The following TMEM51 variants were observed in gnomAD, a reference collection of about 807,000 sequenced individuals.
TMEM51 encodes the protein chromosome 1 open reading frame 72.
A neutral mutation model predicts 13.6 loss-of-function variants in TMEM51; 8 were observed. That is an observed-to-expected ratio of 0.59 (90% CI 0.35 to 1.07). The LOEUF (loss-of-function observed/expected upper bound fraction) is 1.07, where lower values mean the gene tolerates loss of function less well. Ranked by LOEUF, TMEM51 falls within the 50% of genes least tolerant of loss-of-function variation. The pLI, the probability that TMEM51 is intolerant of heterozygous loss-of-function variation, is 0.02. For synonymous variants in TMEM51, 147 were observed against 144.4 expected (o/e 1.02, Z -0.13); for missense variants, 279 against 330.7 (o/e 0.84, Z 1.21).
intron 1 of TMEM51, among the ~76,000 whole-genome samples, chr1:15,200,407 C>CAAAAAAA (rs55755539): frequency 1.5e-5 from 1 of 67,968 alleles, no homozygotes; most frequent in Non-Finnish European, 2.6e-5. Context: ...GACTCTGTCT[C>CAAAAAAA]AAAAAAAAAA....
At chr1:15,193,571 C>CTTTTTTTTTTTTTT (rs1392623062) in intron 1 of TMEM51, among the ~76,000 whole-genome samples, 1 of 80,614 alleles carries the variant, frequency 1.2e-5, no homozygotes, top group Non-Finnish European at 2.2e-5. Flanking sequence ...TCTTTTCTTT[C>CTTTTTTTTTTTTTT]TTTCTTTTTT....
At chr1:15,177,533 G>C (rs1286807083) in intron 1 of TMEM51, among the ~76,000 whole-genome samples, 1 of 152,178 alleles carries the variant, frequency 6.6e-6, no homozygotes, top group Non-Finnish European at 1.5e-5. Context: ...AGCTCATCCC[G>C]AGCAAGCAGC....
chr1:15,205,503 C>T (rs1288445948), intron 1 of TMEM51, among the ~76,000 whole-genome samples: 1 of 152,182 alleles, frequency 6.6e-6, no homozygotes, highest in Non-Finnish European at 1.5e-5. Context: ...TGCGTATCTT[C>T]CTTCTCCCTG....
intron 1 of TMEM51, among the ~76,000 whole-genome samples, chr1:15,193,849 G>A (rs140039841): frequency 0.029 from 4,404 of 152,294 alleles, 93 homozygotes; most frequent in Non-Finnish European, 0.044. Flanking sequence ...GAGCCACTGC[G>A]CCTGGCCAGC....
At chr1:15,218,999 C>A (rs1166025226) in intron 3 of TMEM51, among the ~76,000 whole-genome samples, 1 of 152,226 alleles carries the variant, frequency 6.6e-6, no homozygotes, top group African/African-American at 2.4e-5. Context: ...TCTAACACCA[C>A]TGGCTCACCC....
At chr1:15,160,976 G>T (rs899064769) in intron 1 of TMEM51, among the ~76,000 whole-genome samples, 1 of 151,914 alleles carries the variant, frequency 6.6e-6, no homozygotes, top group African/African-American at 2.4e-5. Flanking sequence ...CCCAAACTTG[G>T]AGAGTCAGGA....
intron 1 of TMEM51, among the ~76,000 whole-genome samples, chr1:15,175,317 T>C (rs1185954511): frequency 2.0e-5 from 3 of 152,162 alleles, no homozygotes; most frequent in Non-Finnish European, 4.4e-5. Context: ...GGAGAATAGC[T>C]TGAACCTGGG....
chr1:15,214,784 C>T, intron 2 of TMEM51, 111 bp from the exon 3 acceptor site: 2 of 341,564 alleles, frequency 5.9e-6, no homozygotes, highest in South Asian at 4.8e-5. Context: ...CAGCCAGAGC[C>T]GGCGTGCTCG....
intron 1 of TMEM51, among the ~76,000 whole-genome samples, chr1:15,210,142 C>T (rs924540693): frequency 6.6e-6 from 1 of 152,158 alleles, no homozygotes; most frequent in Non-Finnish European, 1.5e-5. Context: ...TCATTTTCCT[C>T]TCCTGCCTTG....
chr1:15,174,782 C>T (rs985177530), intron 1 of TMEM51, among the ~76,000 whole-genome samples: 3 of 152,192 alleles, frequency 2.0e-5, no homozygotes, highest in East Asian at 1.9e-4. Context: ...TGCAGATGGC[C>T]GCCTACTCAC....
chr1:15,166,340 A>G (rs536037578), intron 1 of TMEM51, among the ~76,000 whole-genome samples: 1 of 152,274 alleles, frequency 6.6e-6, no homozygotes, highest in East Asian at 1.9e-4. Context: ...AACTTCGAGT[A>G]TCTGGGCCTC....
intron 1 of TMEM51, among the ~76,000 whole-genome samples, chr1:15,188,443 A>G (rs1030868181): frequency 2.6e-5 from 4 of 152,216 alleles, no homozygotes; most frequent in Admixed American, 6.5e-5. Context: ...AGGCAAGCAC[A>G]TGACATGGCC....
At chr1:15,174,056 A>G (rs1193663520) in intron 1 of TMEM51, among the ~76,000 whole-genome samples, 1 of 152,216 alleles carries the variant, frequency 6.6e-6, no homozygotes, top group East Asian at 1.9e-4. Flanking sequence ...GCAGCAGTAA[A>G]GAAAACAGGG....
At chr1:15,166,362 T>G (rs1056503766) in intron 1 of TMEM51, among the ~76,000 whole-genome samples, 15 of 152,244 alleles carry the variant, frequency 9.9e-5, no homozygotes, top group African/African-American at 3.6e-4. Context: ...CTTCTGAGAC[T>G]TAGGAAGCTG....
At chr1:15,155,035 G>A (rs1388398580) in intron 1 of TMEM51, among the ~76,000 whole-genome samples, 1 of 152,190 alleles carries the variant, frequency 6.6e-6, no homozygotes, top group Non-Finnish European at 1.5e-5. Context: ...GGAACTGTTG[G>A]CCCTGGGACC....
intron 1 of TMEM51, chr1:15,192,411 C>T (rs971152746): frequency 7.6e-6 from 3 of 392,230 alleles, no homozygotes; most frequent in Non-Finnish European, 1.0e-5. Context: ...TCCAGGTCAG[C>T]GTTTGGCAGT....
At chr1:15,162,517 A>G (rs565553065) in intron 1 of TMEM51, among the ~76,000 whole-genome samples, 1 of 152,210 alleles carries the variant, frequency 6.6e-6, no homozygotes, top group Admixed American at 6.5e-5. Context: ...AACTATATCA[A>G]TGCTCAAAAG....
At chr1:15,193,575 C>CTTTTTTTTTTTTTTTTT (rs3078881) in intron 1 of TMEM51, among the ~76,000 whole-genome samples, 9 of 114,650 alleles carry the variant, frequency 7.8e-5, no homozygotes, top group African/African-American at 2.5e-4. Flanking sequence ...TTCTTTCTTT[C>CTTTTTTTTTTTTTTTTT]TTTTTTTTTT....
chr1:15,184,004 C>T (rs1239601320), intron 1 of TMEM51, among the ~76,000 whole-genome samples: 1 of 152,124 alleles, frequency 6.6e-6, no homozygotes, highest in East Asian at 1.9e-4. Context: ...GCATTTCTTT[C>T]TTTCCTTCTT....
Sources: allele counts gnomAD v4.1 joint callset (sites outside exome capture counted in the v4.1 genomes callset), GRCh38; gene constraint gnomAD v4.1.1; transcripts MANE v1.5; gene names NCBI Gene and HGNC (gene_info 2026-07-23, HGNC 2026-07-21).